The following TRPS1 variants were observed in gnomAD, a reference collection of about 807,000 sequenced individuals.
The protein encoded by TRPS1 is transcriptional repressor GATA binding 1.
In TRPS1, 6 loss-of-function variants were observed where a neutral mutation model predicts 101.2. The observed-to-expected ratio is 0.06, with a 90% CI of 0.03 to 0.12. The LOEUF is 0.12. Among genes scored for constraint, TRPS1 ranks in the 10% least tolerant of loss-of-function variants. The probability of loss-of-function intolerance (pLI) is 1.00; values close to 1 mark genes in which losing one functional copy is unlikely to be tolerated. For synonymous variants in TRPS1, 578 were observed against 589.8 expected, an observed-to-expected ratio of 0.98 and a Z score of 0.29; for missense variants, 1,363 against 1,567.0, an observed-to-expected ratio of 0.87 and a Z score of 2.20.
chr8:115,579,887 C>T (rs914477349), intron 5 of TRPS1, among the ~76,000 whole-genome samples: 5 of 149,858 alleles, frequency 3.3e-5, no homozygotes, highest in African/African-American at 7.4e-5. Context: ...TGATGCCAAA[C>T]GCTCAATTTA....
At chr8:115,648,911 A>AG (rs1338263433) in intron 1 of TRPS1, among the ~76,000 whole-genome samples, 3 of 151,722 alleles carry the variant, frequency 2.0e-5, no homozygotes, top group Non-Finnish European at 4.4e-5. Context: ...TCAATACTCC[A>AG]TGTGGAGCAG....
intron 5 of TRPS1, among the ~76,000 whole-genome samples, chr8:115,527,226 T>C (rs764409711): frequency 6.6e-6 from 1 of 152,074 alleles, no homozygotes; most frequent in Non-Finnish European, 1.5e-5. Context: ...TAATTTTTAG[T>C]AGTCACTTAA....
intron 1 of TRPS1, among the ~76,000 whole-genome samples, chr8:115,649,139 T>A (rs1275420001): frequency 4.6e-5 from 7 of 152,200 alleles, no homozygotes; most frequent in Admixed American, 4.6e-4. Context: ...GAATACCGGT[T>A]GTATGTTTCC....
intron 5 of TRPS1, among the ~76,000 whole-genome samples, chr8:115,475,488 C>T (rs557052096): frequency 3.3e-5 from 5 of 151,536 alleles, no homozygotes; most frequent in East Asian, 3.9e-4. Context: ...TTAAGTTTCA[C>T]GAAAATTGAA....
intron 5 of TRPS1, among the ~76,000 whole-genome samples, chr8:115,501,196 C>T (rs1302925607): frequency 1.3e-5 from 2 of 152,176 alleles, no homozygotes; most frequent in Non-Finnish European, 2.9e-5. Context: ...CCTTCTCATT[C>T]TACATTCTTG....
intron 3 of TRPS1, among the ~76,000 whole-genome samples, chr8:115,612,907 C>A (rs1009904858): frequency 3.3e-5 from 5 of 152,144 alleles, no homozygotes; most frequent in Non-Finnish European, 5.9e-5. Context: ...CCCATTCCTG[C>A]ACTGAATGTA....
chr8:115,659,799 T>C (rs1463509954), intron 1 of TRPS1, among the ~76,000 whole-genome samples: 2 of 151,982 alleles, frequency 1.3e-5, no homozygotes, highest in Admixed American at 1.3e-4. Context: ...TATCATGCTC[T>C]CATTTCAGAA....
At chr8:115,631,277 C>T (rs149130024) in intron 1 of TRPS1, among the ~76,000 whole-genome samples, 145 of 152,176 alleles carry the variant, frequency 9.5e-4, no homozygotes, top group Non-Finnish European at 1.8e-3. Context: ...GACTGTGAAA[C>T]TCTTCAAACC....
intron 1 of TRPS1, among the ~76,000 whole-genome samples, chr8:115,624,891 T>A (rs1306784078): frequency 6.6e-6 from 1 of 151,664 alleles, no homozygotes; most frequent in Non-Finnish European, 1.5e-5. Flanking sequence ...GGGATTTGAG[T>A]TTTCTATCAT....
At chr8:115,651,255 C>T (rs1401974354) in intron 1 of TRPS1, among the ~76,000 whole-genome samples, 1 of 152,154 alleles carries the variant, frequency 6.6e-6, no homozygotes, top group Non-Finnish European at 1.5e-5. Flanking sequence ...GTTTCACTGA[C>T]ACTGTCCCAC....
intron 4 of TRPS1, among the ~76,000 whole-genome samples, chr8:115,602,604 T>C (rs1817933835): frequency 6.6e-6 from 1 of 152,204 alleles, no homozygotes; most frequent in African/African-American, 2.4e-5. Context: ...GAGCCTATTG[T>C]TGGACATGAA....
intron 5 of TRPS1, among the ~76,000 whole-genome samples, chr8:115,576,310 G>GATATAA (rs1817317887): frequency 6.8e-6 from 1 of 147,134 alleles, no homozygotes; most frequent in Non-Finnish European, 1.5e-5. Context: ...TATAGATATA[G>GATATAA]ATATAGATCT....
intron 5 of TRPS1, among the ~76,000 whole-genome samples, chr8:115,581,753 C>T (rs866425858): frequency 1.7e-4 from 26 of 152,168 alleles, no homozygotes; most frequent in South Asian, 6.2e-4. Context: ...CACTTTTACA[C>T]GGTAAAACAG....
intron 1 of TRPS1, among the ~76,000 whole-genome samples, chr8:115,667,622 T>G (rs1428005222): frequency 6.6e-6 from 1 of 152,152 alleles, no homozygotes. Context: ...TGCAAGGCCC[T>G]GCCACATGGT....
At chr8:115,545,186 C>G (rs962615008) in intron 5 of TRPS1, among the ~76,000 whole-genome samples, 1 of 152,110 alleles carries the variant, frequency 6.6e-6, no homozygotes, top group East Asian at 1.9e-4. Flanking sequence ...AAACTACTAT[C>G]AAATGCAGTC....
intron 5 of TRPS1, among the ~76,000 whole-genome samples, chr8:115,566,813 TA>T (rs900680755): frequency 6.6e-6 from 1 of 152,068 alleles, no homozygotes; most frequent in African/African-American, 2.4e-5. Context: ...GATCTGTAAT[TA>T]AAAATGGTTT....
In TRPS1 at chr8:115,599,407, T is replaced by A. The variant is rs548568329; in HGVS notation, c.2096+4466A>T. 2.0e-4 allele frequency among the ~76,000 whole-genome samples: 31 copies of A among 152,172 alleles called. No individual in the cohort carries two copies. The South Asian group carries it at 6.2e-3, about 31-fold the overall frequency. On this transcript the variant is annotated intron_variant, in intron 4 of 6. Coordinates refer to ENST00000395715, the MANE Select transcript of TRPS1 (RefSeq NM_014112.5). ...TTACACAGGTATACATGTGCCATGG[T>A]GGTTTGCTGCACCTATCAACCTGTC... is the stretch of plus-strand genomic sequence containing the variant.
intron 5 of TRPS1, among the ~76,000 whole-genome samples, chr8:115,537,743 A>G (rs1374130372): frequency 6.6e-6 from 1 of 152,222 alleles, no homozygotes; most frequent in Non-Finnish European, 1.5e-5. Flanking sequence ...TTATTTTTCA[A>G]AAACAAAAAA....
intron 5 of TRPS1, among the ~76,000 whole-genome samples, chr8:115,492,912 A>G (rs1815063740): frequency 6.6e-6 from 1 of 152,022 alleles, no homozygotes; most frequent in Non-Finnish European, 1.5e-5. Flanking sequence ...ATGGGGTTTC[A>G]CCATCTTGGC....
Sources: gnomAD v4.1 joint callset for allele counts (sites outside exome capture counted in the v4.1 genomes callset) on GRCh38, gnomAD v4.1.1 for gene constraint, MANE v1.5 for transcripts, NCBI Gene and HGNC (gene_info 2026-07-23, HGNC 2026-07-21) for gene names.